Variants in DSCAML1 observed in about 807,000 individuals in gnomAD.
The protein encoded by DSCAML1 is DS cell adhesion molecule like 1.
Under a neutral mutation model 200.5 loss-of-function variants are expected in DSCAML1, and 38 were observed. The ratio of observed to expected loss-of-function variants is 0.19; its 90% CI spans 0.15 to 0.25. The LOEUF (loss-of-function observed/expected upper bound fraction) is 0.25. DSCAML1 is among the 10% of genes least tolerant of loss of function. The pLI, the probability that DSCAML1 is intolerant of heterozygous loss-of-function variation, is 1.00. For missense variants in DSCAML1, 2,223 were observed against 2,858.8 expected (o/e 0.78, Z 5.07); for synonymous variants, 1,215 against 1,165.0 (o/e 1.04, Z -0.87).
chr11:117,657,207 G>A (rs2052753841), intron 3 of DSCAML1, among the ~76,000 whole-genome samples: 4 of 152,120 alleles, frequency 2.6e-5, no homozygotes, highest in African/African-American at 9.7e-5. Context: ...CAAAGCCCTT[G>A]AAATTTGCAA....
rs1017664188 is a variant in DSCAML1 at position 117,780,737 on chromosome 11, G to A, written c.120C>T (p.Ser40=). 2 of 1,558,214 alleles carry A rather than the reference G, an allele frequency of 1.3e-6. No homozygotes were observed. The highest frequency in any genetic ancestry group is 2.0e-5 in the Admixed American group (1 of 50,316). ...CCGGGCAGGGCACCACCACCCCCAC[G>A]GAGCTGGAAAAGGTCACCTGCTGCA... ...DSLQQVTFSS[S]VGVVVPCPAA... The change falls in exon 2 of 33, where the codon TCC becomes TCT. Residue 40 remains serine (S), a synonymous_variant. Transcript: ENST00000651296. The surrounding 1 kb of genome is among the most constrained non-coding windows in gnomAD (Gnocchi z 4.8).
At chr11:117,513,964 T>G (rs1463513358) in intron 8 of DSCAML1, among the ~76,000 whole-genome samples, 1 of 152,160 alleles carries the variant, frequency 6.6e-6, no homozygotes, top group Non-Finnish European at 1.5e-5. Context: ...GTTCAGTCCT[T>G]CCAGCTGGCC....
chr11:117,678,152 A>G (rs1265937134), intron 3 of DSCAML1, among the ~76,000 whole-genome samples: 2 of 152,142 alleles, frequency 1.3e-5, no homozygotes, highest in Non-Finnish European at 1.5e-5. Context: ...CGCTAAGTAC[A>G]ATGACCCTTT....
At chr11:117,790,617 G>A (rs1349495066) in intron 1 of DSCAML1, among the ~76,000 whole-genome samples, 1 of 152,200 alleles carries the variant, frequency 6.6e-6, no homozygotes, top group African/African-American at 2.4e-5. Context: ...TTTTACATGT[G>A]TGTGTTCATA....
chr11:117,433,557 G>GGAAACCAATTTA, intron 27 of DSCAML1, 86 bp from the exon 28 acceptor site: 4 of 1,476,128 alleles, frequency 2.7e-6, no homozygotes, highest in Non-Finnish European at 3.7e-6. Context: ...AAACAAGGTG[G>GGAAACCAATTTA]AGAATTCCTT....
intron 3 of DSCAML1, among the ~76,000 whole-genome samples, chr11:117,726,276 T>C (rs1394242684): frequency 4.0e-5 from 6 of 151,810 alleles, no homozygotes; most frequent in Non-Finnish European, 8.8e-5. Flanking sequence ...CGTGTGTGTG[T>C]GTGTGTGTGT....
In DSCAML1 at chr11:117,516,652, T is replaced by A; in HGVS notation, c.1598A>T (p.Tyr533Phe). The A allele has an allele frequency of 6.2e-7, 1 of 1,614,048 alleles. No homozygotes were observed. Among genetic ancestry groups the A allele is most frequent in the Admixed American group, 1.7e-5 (1 of 60,006 alleles). Residue 533 changes from tyrosine (Y) to phenylalanine (F), a missense_variant, in exon 8 of 33, where the codon TAC becomes TTC. This residue lies in a region of DSCAML1 where 212 missense variants were observed against 368.0 expected (regional missense o/e 0.58). Transcript: ENST00000651296. This position sits in a 1 kb window ranked among gnomAD's most constrained non-coding sequence, Gnocchi z 5.7. ...LINCRVIGYP[Y>F]YSIKWYKDAL... ...ATCCTTGTACCACTTGATGGAGTAG[T>A]AGGGATAGCCGATGACCCTGCAGTT...
chr11:117,615,996 A>C (rs867080110), intron 3 of DSCAML1, among the ~76,000 whole-genome samples: 1 of 152,138 alleles, frequency 6.6e-6, no homozygotes, highest in African/African-American at 2.4e-5. Context: ...TTGTTTTTCT[A>C]ATGTAGGCAG....
At chr11:117,723,683 CCT>C (rs918235204) in intron 3 of DSCAML1, among the ~76,000 whole-genome samples, 9 of 152,176 alleles carry the variant, frequency 5.9e-5, no homozygotes, top group Admixed American at 2.6e-4. Flanking sequence ...GCAGCAGTCC[CCT>C]GTTTTTCCCC....
intron 30 of DSCAML1, 57 bp downstream of exon 30, chr11:117,432,295 C>T: frequency 6.5e-7 from 1 of 1,542,138 alleles, no homozygotes; most frequent in South Asian, 1.2e-5. Flanking sequence ...CTGTGTCATG[C>T]TATGCCCAAG....
At chr11:117,788,670 G>C (rs1342240059) in intron 1 of DSCAML1, among the ~76,000 whole-genome samples, 1 of 152,182 alleles carries the variant, frequency 6.6e-6, no homozygotes, top group Non-Finnish European at 1.5e-5. Flanking sequence ...GGCATGGTGG[G>C]AAGCCTTTTT....
At chr11:117,457,897 C>T (rs1218192551) in intron 19 of DSCAML1, among the ~76,000 whole-genome samples, 9 of 152,258 alleles carry the variant, frequency 5.9e-5, no homozygotes, top group Non-Finnish European at 1.2e-4. Flanking sequence ...ATGTCTCCCG[C>T]TTCTGTGCCT....
intron 3 of DSCAML1, among the ~76,000 whole-genome samples, chr11:117,725,565 G>A (rs578103114): frequency 3.9e-5 from 6 of 152,122 alleles, no homozygotes; most frequent in Admixed American, 6.5e-5. Context: ...TGTCCGATCC[G>A]CACTGTTGAG....
chr11:117,703,910 T>C (rs1172932956), intron 3 of DSCAML1, among the ~76,000 whole-genome samples: 72 of 152,200 alleles, frequency 4.7e-4, no homozygotes, highest in Admixed American at 4.7e-3. Context: ...ACGGGCTATG[T>C]GCCAGGCTCT....
intron 3 of DSCAML1, among the ~76,000 whole-genome samples, chr11:117,748,779 C>T (rs948575687): frequency 1.3e-5 from 2 of 152,184 alleles, no homozygotes; most frequent in African/African-American, 4.8e-5. Context: ...TCTAGGGAGG[C>T]CGAGAAAGAC....
At chr11:117,716,263 G>A (rs1198377241) in intron 3 of DSCAML1, among the ~76,000 whole-genome samples, 1 of 152,236 alleles carries the variant, frequency 6.6e-6, no homozygotes, top group Non-Finnish European at 1.5e-5. Context: ...CCGGGGTTCT[G>A]GTCCCAGCCG....
chr11:117,660,319 C>G (rs570535555), intron 3 of DSCAML1, among the ~76,000 whole-genome samples: 4 of 152,202 alleles, frequency 2.6e-5, no homozygotes, highest in African/African-American at 9.7e-5. Flanking sequence ...TTGAAAGCAC[C>G]GTTGAGGAGC....
At chr11:117,514,877 C>T (rs113285079) in intron 8 of DSCAML1, among the ~76,000 whole-genome samples, 4,226 of 152,312 alleles carry the variant, frequency 0.028, 199 homozygotes, top group African/African-American at 0.095. Flanking sequence ...CCACTGCACC[C>T]GGCCTTTCTT....
intron 16 of DSCAML1, among the ~76,000 whole-genome samples, chr11:117,468,452 T>A (rs572916786): frequency 9.2e-5 from 14 of 152,342 alleles, no homozygotes; most frequent in African/African-American, 3.1e-4. Flanking sequence ...GACCTGTGGG[T>A]CAGAGCTTTG....
Sources: gnomAD v4.1 joint callset for allele counts (sites outside exome capture counted in the v4.1 genomes callset) on GRCh38, gnomAD v4.1.1 for gene constraint, gnomAD v4.1.1 regional missense constraint, Gnocchi (gnomAD v3.1) non-coding constraint, MANE v1.5 for transcripts, NCBI Gene and HGNC (gene_info 2026-07-23, HGNC 2026-07-21) for gene names.